The following ZMYM6 variants were observed in gnomAD, a reference collection of about 807,000 sequenced individuals.
ZMYM6 encodes zinc finger MYM-type protein 6.
ZMYM6 carries 90 observed loss-of-function variants against 134.0 expected under a neutral mutation model. The ratio of observed to expected loss-of-function variants is 0.67; its 90% CI spans 0.57 to 0.80. The LOEUF (loss-of-function observed/expected upper bound fraction) is 0.80, where lower values mean the gene tolerates loss of function less well. Ranked by LOEUF, ZMYM6 falls within the 30% of genes least tolerant of loss-of-function variation. The pLI is 0.00. For missense variants in ZMYM6, 1,362 were observed against 1,533.9 expected (o/e 0.89, Z 1.87); for synonymous variants, 481 against 524.1 (o/e 0.92, Z 1.12).
chr1:34,988,124 C>T lies in ZMYM6; in HGVS notation c.2958G>A (p.Met986Ile), dbSNP rs898421484. 1 of 1,551,506 alleles carries T rather than the reference C, an allele frequency of 6.4e-7. No homozygotes were observed. Among genetic ancestry groups the T allele is most frequent in the Non-Finnish European group, 8.7e-7 (1 of 1,146,974 alleles). ...CTTTTAAACCAGAATACCTGCCAGT[C>T]ATGCTTGCAGCCCCATCGGTACAGA... Reference protein sequence around the residue: ...VGLCTDGAASMTGRYSGLKAK... With the variant: ...VGLCTDGAASITGRYSGLKAK... Residue 986 changes from methionine to isoleucine, a missense_variant, in exon 16 of 16, where the codon ATG becomes ATA. Physicochemically the swap from Met to Ile is conservative, Grantham distance 10. Transcript: ENST00000357182.
At chr1:35,018,612 A>T (rs574535229) in intron 4 of ZMYM6, 1 of 152,162 alleles carries the variant, frequency 6.6e-6, no homozygotes, top group Non-Finnish European at 1.5e-5. Flanking sequence ...ACACTGTCTC[A>T]TTAAAGTCCT....
rs1448071216 is a variant in ZMYM6 at position 34,988,342 on chromosome 1, C to T, written c.2740G>A (p.Glu914Lys). The change falls in exon 16 of 16, where the codon GAG (glutamate) becomes AAG (lysine). Residue 914 changes from glutamate to lysine, a missense_variant. This residue lies in a region of ZMYM6 where 824 missense variants were observed against 940.9 expected (regional missense o/e 0.88). Transcript: ENST00000357182. ...GTGATATTTGAGATTTCTGATGACT[C>T]ATCTATCTGAAGGGCAAACCACTTT... ...ESKWFALQID[E>K]SSEISNITLL... The T allele has an allele frequency of 6.4e-7, 1 of 1,551,410 alleles. No individual in the cohort carries two copies. Among genetic ancestry groups the T allele is most frequent in the African/African-American group, 1.4e-5 (1 of 73,056 alleles).
At chr1:35,004,259 C>T (rs1640926436) in intron 13 of ZMYM6, among the ~76,000 whole-genome samples, 3 of 152,044 alleles carry the variant, frequency 2.0e-5, no homozygotes. Context: ...CATGTGGGCT[C>T]CTAAAAAAAT....
chr1:35,002,935 G>T (rs995420632), intron 14 of ZMYM6, among the ~76,000 whole-genome samples: 1 of 152,116 alleles, frequency 6.6e-6, no homozygotes, highest in Admixed American at 6.5e-5. Flanking sequence ...CAGCTTGGGA[G>T]GTTGAGGCGG....
rs1454163342 is a variant in ZMYM6 at position 34,988,081 on chromosome 1, C to G, written c.3001G>C (p.Ala1001Pro). ...SGLKAKIQEV[A>P]MNTAAFTHCF... ...TGTGTAAATGCCGCTGTATTCATGG[C>G]AACTTCTTGAATTTTTGCTTTTAAA... The change falls in exon 16 of 16, where the codon GCC becomes CCC. Residue 1001 changes from alanine to proline, a missense_variant. Ala to Pro is a conservative substitution (Grantham distance 27). Transcript: ENST00000357182. The G allele has an allele frequency of 1.5e-5, 24 of 1,551,450 alleles. No homozygotes were observed. The East Asian group carries it at 5.6e-4, about 36-fold the overall frequency.
At chr1:35,027,354 G>C (rs890238717) in intron 2 of ZMYM6, among the ~76,000 whole-genome samples, 1 of 152,200 alleles carries the variant, frequency 6.6e-6, no homozygotes, top group Non-Finnish European at 1.5e-5. Flanking sequence ...AATATCACTC[G>C]ATCTATACAG....
At chr1:34,992,125 G>C in intron 15 of ZMYM6, 109 bp downstream of exon 15, 2 of 1,410,588 alleles carry the variant, frequency 1.4e-6, no homozygotes, top group Non-Finnish European at 2.0e-6. Context: ...GAAAAGGAAT[G>C]TTTTCACATT....
In ZMYM6 at chr1:35,014,978, T is replaced by C. The variant is rs1183220529; in HGVS notation, c.603+10A>G. On this transcript the variant is annotated intron_variant, in intron 5 of 15. Transcript: ENST00000357182. The stretch of plus-strand genomic sequence containing the variant: ...CAGCAGAATCCCAATAAAAGTAAAA[T>C]GTAACTTACATCAGCATTCTTCTGA... 3 of 1,610,140 alleles carry C rather than the reference T, an allele frequency of 1.9e-6. No individual in the cohort carries two copies. The highest frequency in any genetic ancestry group is 1.1e-5 in the South Asian group (1 of 90,374).
intron 14 of ZMYM6, among the ~76,000 whole-genome samples, chr1:34,995,085 G>A (rs563578663): frequency 8.0e-6 from 1 of 125,574 alleles, no homozygotes. Context: ...ACTTACATAC[G>A]TATATATGTA....
At chr1:34,997,438 G>A (rs1640803549) in intron 14 of ZMYM6, among the ~76,000 whole-genome samples, 1 of 152,140 alleles carries the variant, frequency 6.6e-6, no homozygotes, top group South Asian at 2.1e-4. Context: ...CTGAGTAGCT[G>A]GGATTACAGG....
In ZMYM6 at chr1:35,019,461, T is replaced by C. The variant is rs139788499; in HGVS notation, c.320A>G (p.His107Arg). ...GAAGAGCTGAGTAGATCCTGTCTTA[T>C]GATATGCAGTTTGGCCCTTATAAAG... ...KMLYKGQTAY[H>R]KTGSTQLFCS... The change falls in exon 4 of 16, where the codon CAT becomes CGT. Residue 107 changes from histidine to arginine, a missense_variant. By Grantham distance (29) the His-to-Arg change is conservative. Coordinates refer to ENST00000357182, the MANE Select transcript of ZMYM6 (RefSeq NM_007167.4). The C allele has an allele frequency of 2.0e-5, 32 of 1,614,058 alleles. No homozygotes were observed. The highest frequency in any genetic ancestry group is 2.7e-5 in the African/African-American group (2 of 74,922).
chr1:35,013,073 T>A, intron 6 of ZMYM6: 1 of 907,566 alleles, frequency 1.1e-6, no homozygotes, highest in Non-Finnish European at 1.3e-6. Flanking sequence ...TAATAAAATC[T>A]GCTTATAAGT....
intron 2 of ZMYM6, among the ~76,000 whole-genome samples, chr1:35,025,169 C>G (rs1641385917): frequency 6.7e-6 from 1 of 149,418 alleles, no homozygotes; most frequent in African/African-American, 2.4e-5. Context: ...CCACTCATGG[C>G]CTTGATTTTG....
chr1:35,007,126 G>A (rs1640996083), intron 11 of ZMYM6, 28 bp from the exon 12 acceptor site: 1 of 1,563,304 alleles, frequency 6.4e-7, no homozygotes, highest in South Asian at 1.2e-5. Context: ...GACAAGATAG[G>A]CTTAAAACTA....
At chr1:35,027,413 AAGG>A (rs1160734298) in intron 2 of ZMYM6, among the ~76,000 whole-genome samples, 1 of 152,220 alleles carries the variant, frequency 6.6e-6, no homozygotes, top group Admixed American at 6.5e-5. Context: ...TGACTGAAGG[AAGG>A]AGAATAGGTA....
At chr1:34,994,746 T>C (rs1016651908) in intron 14 of ZMYM6, among the ~76,000 whole-genome samples, 1 of 151,868 alleles carries the variant, frequency 6.6e-6, no homozygotes, top group African/African-American at 2.4e-5. Flanking sequence ...TAAAGTAATA[T>C]ACACATGAAT....
chr1:34,987,417 T>C lies in ZMYM6; in HGVS notation c.3665A>G (p.His1222Arg), dbSNP rs1432170682. Reference protein sequence around the residue: ...NLWIIHPFMNHQNNNLTDFEE... With the variant: ...NLWIIHPFMNRQNNNLTDFEE... ...GAAGTCGGTGAGATTATTATTTTGGTGATTCATAAAAGGGTGAATTATCCA... is the reference window on the plus strand; with the variant it reads ...GAAGTCGGTGAGATTATTATTTTGGCGATTCATAAAAGGGTGAATTATCCA... The change falls in exon 16 of 16, where the codon CAC (histidine) becomes CGC (arginine). Residue 1222 changes from histidine to arginine, a missense_variant. Physicochemically the swap from His to Arg is conservative, Grantham distance 29. This residue lies in a region of ZMYM6 where 824 missense variants were observed against 940.9 expected (regional missense o/e 0.88). Coordinates refer to ENST00000357182, the MANE Select transcript of ZMYM6 (RefSeq NM_007167.4). The C allele has an allele frequency of 9.9e-6, 16 of 1,614,092 alleles. No individual in the cohort carries two copies. The highest frequency in any genetic ancestry group is 1.4e-5 in the Non-Finnish European group (16 of 1,180,008).
Position 35,030,576 on chromosome 1 carries a change from T to C in ZMYM6, c.64A>G (p.Lys22Glu), listed in dbSNP as rs564927065. The change falls in exon 2 of 16, where the codon AAA (lysine) becomes GAA (glutamate). Residue 22 changes from lysine (K) to glutamate (E), a missense_variant. Lys to Glu is a moderately conservative substitution (Grantham distance 56). Coordinates refer to ENST00000357182, the MANE Select transcript of ZMYM6 (RefSeq NM_007167.4). Reference protein sequence around the residue: ...AVVPQQELLDKIKEEPDNAQE... With the variant: ...AVVPQQELLDEIKEEPDNAQE... Reference sequence around the variant, plus strand: ...GCATTGTCTGGTTCTTCTTTAATTTTGTCCAGAAGCTCCTGCTGTGGTACC... The same window carrying C: ...GCATTGTCTGGTTCTTCTTTAATTTCGTCCAGAAGCTCCTGCTGTGGTACC... 1.2e-6 allele frequency: 2 copies of C among 1,613,112 alleles called. No individual in the cohort carries two copies. Among genetic ancestry groups the C allele is most frequent in the African/African-American group, 1.3e-5 (1 of 74,932 alleles).
Position 35,008,830 on chromosome 1 carries a change from T to C in ZMYM6, c.1587A>G (p.Val529=). ...CTAACTTGCCCTCCAATCGATTTTC[T>C]ACCAAATTTGGGGATGTCTGTGAAC... ...SYCSQTSPNL[V]ENRLEGKLEE... is the part of the protein sequence containing the mutation. Residue 529 remains valine, a synonymous_variant, in exon 11 of 16, where the codon GTA becomes GTG. Coordinates refer to ENST00000357182, the MANE Select transcript of ZMYM6 (RefSeq NM_007167.4). 1 of 1,614,178 alleles carries C rather than the reference T, an allele frequency of 6.2e-7. No homozygotes were observed. Among genetic ancestry groups the C allele is most frequent in the Non-Finnish European group, 8.5e-7 (1 of 1,180,010 alleles).
Sources: allele counts gnomAD v4.1 joint callset (sites outside exome capture counted in the v4.1 genomes callset), GRCh38; gene constraint gnomAD v4.1.1; regional missense constraint gnomAD v4.1.1; transcripts MANE v1.5; gene names NCBI Gene and HGNC (gene_info 2026-07-23, HGNC 2026-07-21).